Variants in KCTD5 observed in about 807,000 individuals in gnomAD.
KCTD5 encodes the protein BTB/POZ domain-containing protein KCTD5.
Under a neutral mutation model 27.9 loss-of-function variants are expected in KCTD5, and 12 were observed. That is an observed-to-expected ratio of 0.43 (90% CI 0.28 to 0.70). The LOEUF (loss-of-function observed/expected upper bound fraction) is 0.70. Ranked by LOEUF, KCTD5 falls within the 30% of genes least tolerant of loss-of-function variation. The probability of loss-of-function intolerance (pLI) is 0.19; values close to 1 mark genes in which losing one functional copy is unlikely to be tolerated. For synonymous variants in KCTD5, 147 were observed against 121.4 expected (o/e 1.21, Z -1.39); for missense variants, 226 against 274.8 (o/e 0.82, Z 1.26).
At chr16:2,692,217 C>T (rs1026050381) in intron 1 of KCTD5, among the ~76,000 whole-genome samples, 3 of 152,196 alleles carry the variant, frequency 2.0e-5, no homozygotes, top group Admixed American at 6.5e-5. Context: ...TTTAGGGTGT[C>T]GCTTTTCTGG....
Position 2,687,060 on chromosome 16 carries a change from C to G in KCTD5, c.252+4260C>G, listed in dbSNP as rs188689683. 3.0e-4 allele frequency among the ~76,000 whole-genome samples: 45 copies of G among 152,330 alleles called. No individual in the cohort carries two copies. The East Asian group carries it at 7.5e-3, about 25-fold the overall frequency. ...AGTCATCTTCTATTCTGGACCTCTG[C>G]GATGGTCCCTGCGGTGCTGGGGGCT... On this transcript the variant is annotated intron_variant, in intron 1 of 5. Coordinates refer to ENST00000301738, the MANE Select transcript of KCTD5 (RefSeq NM_018992.4).
Position 2,707,361 on chromosome 16 carries a change from AC to A in KCTD5, c.*35del, listed in dbSNP as rs2067641378. 2 of 1,609,580 alleles carry A rather than the reference AC, an allele frequency of 1.2e-6. No individual in the cohort carries two copies. The highest frequency in any genetic ancestry group is 8.5e-7 in the Non-Finnish European group (1 of 1,175,958). On this transcript the variant is annotated 3_prime_UTR_variant, in exon 6 of 6. Coordinates refer to ENST00000301738, the MANE Select transcript of KCTD5 (RefSeq NM_018992.4). ...GTATTGACAGCTGAAGAAATGATTTACGTTTTCCCGAGATGTAATGAACTGC... is the reference window on the plus strand; with the variant it reads ...GTATTGACAGCTGAAGAAATGATTTAGTTTTCCCGAGATGTAATGAACTGC...
At chr16:2,704,292 C>T (rs1679647549) in intron 5 of KCTD5, among the ~76,000 whole-genome samples, 1 of 152,224 alleles carries the variant, frequency 6.6e-6, no homozygotes, top group Non-Finnish European at 1.5e-5. Context: ...GATGGGGGCA[C>T]CCCTGGCTGG....
chr16:2,702,708 G>A (rs2067617885), intron 5 of KCTD5, among the ~76,000 whole-genome samples: 1 of 152,186 alleles, frequency 6.6e-6, no homozygotes, highest in African/African-American at 2.4e-5. Context: ...CCTGGAAGGG[G>A]CCCCAGGCCT....
intron 4 of KCTD5, 151 bp from the exon 5 acceptor site, chr16:2,702,202 C>G (rs1469095480): frequency 2.0e-6 from 2 of 991,428 alleles, no homozygotes; most frequent in Non-Finnish European, 1.5e-6. Context: ...TGCAGGTGTT[C>G]CGGGGATTTG....
At chr16:2,700,303 C>A (rs903689208) in intron 4 of KCTD5, among the ~76,000 whole-genome samples, 9 of 152,242 alleles carry the variant, frequency 5.9e-5, no homozygotes, top group African/African-American at 1.9e-4. Flanking sequence ...CATATGGAGG[C>A]CCTGACGCCT....
At chr16:2,706,226 C>T (rs1348926149) in intron 5 of KCTD5, among the ~76,000 whole-genome samples, 1 of 152,194 alleles carries the variant, frequency 6.6e-6, no homozygotes, top group Non-Finnish European at 1.5e-5. Flanking sequence ...GGCTGAGCAG[C>T]TCAGGGGACG....
chr16:2,691,794 G>A (rs1196807249), intron 1 of KCTD5, among the ~76,000 whole-genome samples: 1 of 152,188 alleles, frequency 6.6e-6, no homozygotes, highest in African/African-American at 2.4e-5. Context: ...AAGTCTTCCA[G>A]AGGCTGCTCC....
intron 1 of KCTD5, chr16:2,683,455 G>A (rs1419449238): frequency 1.3e-5 from 2 of 152,182 alleles, no homozygotes; most frequent in Non-Finnish European, 2.9e-5. Flanking sequence ...GGTCAGGTAA[G>A]GAATCTTTCA....
chr16:2,702,376 C>G lies in KCTD5; in HGVS notation c.573C>G (p.Tyr191Ter). 1 of 1,613,522 alleles carries G rather than the reference C, an allele frequency of 6.2e-7. No individual in the cohort carries two copies. The highest frequency in any genetic ancestry group is 8.5e-7 in the Non-Finnish European group (1 of 1,179,976). ...FEQLVSIGSS[Y>*]NYGNEDQAEF... ...AGTTGGTCAGCATCGGCTCCTCTTA[C>G]AACTATGGGAACGAAGACCAAGCCG... Residue 191 changes from tyrosine to a stop codon, truncating the protein, a stop_gained, in exon 5 of 6, where the codon TAC becomes TAG. Transcript: ENST00000301738. LOFTEE classifies it high-confidence loss of function.
intron 5 of KCTD5, among the ~76,000 whole-genome samples, chr16:2,703,372 C>T (rs577264880): frequency 3.3e-5 from 5 of 152,180 alleles, no homozygotes; most frequent in Admixed American, 6.5e-5. Flanking sequence ...GGTGGTGGGG[C>T]GGGCTCTGTG....
At chr16:2,687,656 G>A (rs1388195279) in intron 1 of KCTD5, among the ~76,000 whole-genome samples, 1 of 152,244 alleles carries the variant, frequency 6.6e-6, no homozygotes, top group Admixed American at 6.5e-5. Context: ...CCTGCTGCCT[G>A]GTCTCGCCCC....
intron 5 of KCTD5, among the ~76,000 whole-genome samples, chr16:2,703,050 C>G (rs1364497146): frequency 1.3e-5 from 2 of 152,320 alleles, no homozygotes; most frequent in East Asian, 3.9e-4. Context: ...CCTGGCAGCA[C>G]CGGCGCAGAC....
intron 1 of KCTD5, among the ~76,000 whole-genome samples, chr16:2,691,476 C>T (rs555298594): frequency 3.9e-5 from 6 of 152,318 alleles, no homozygotes; most frequent in South Asian, 2.1e-4. Flanking sequence ...TCTAGGGCCA[C>T]GCAGGGCTCT....
chr16:2,687,542 C>T (rs2067545157), intron 1 of KCTD5, among the ~76,000 whole-genome samples: 1 of 152,228 alleles, frequency 6.6e-6, no homozygotes, highest in Non-Finnish European at 1.5e-5. Context: ...TACAGGAATG[C>T]AGAGATGCCC....
chr16:2,686,831 A>T (rs2067541241), intron 1 of KCTD5, among the ~76,000 whole-genome samples: 1 of 151,156 alleles, frequency 6.6e-6, no homozygotes, highest in African/African-American at 2.4e-5. Context: ...TGTGGGCTAG[A>T]GTACCGTCTT....
chr16:2,693,829 T>TC (rs558776487), intron 1 of KCTD5, among the ~76,000 whole-genome samples: 139 of 150,838 alleles, frequency 9.2e-4, no homozygotes, highest in African/African-American at 3.3e-3. Flanking sequence ...CGAGCTGGTC[T>TC]CCCCCACCTT....
chr16:2,693,028 C>A (rs935018100), intron 1 of KCTD5, among the ~76,000 whole-genome samples: 6 of 152,240 alleles, frequency 3.9e-5, no homozygotes, highest in Non-Finnish European at 8.8e-5. Context: ...CAGCCCCAGG[C>A]AGCCCCACGC....
In KCTD5 at chr16:2,707,317, C is replaced by T; in HGVS notation, c.695C>T (p.Ser232Leu). 6.2e-7 allele frequency: 1 copy of T among 1,614,016 alleles called. No homozygotes were observed. The highest frequency in any genetic ancestry group is 2.2e-5 in the East Asian group (1 of 44,882). The change falls in exon 6 of 6, where the codon TCA (serine) becomes TTA (leucine). Residue 232 changes from serine (S) to leucine (L), a missense_variant. Transcript: ENST00000301738. ...EKAKILQERG[S>L]RM Reference sequence around the variant, plus strand: ...TTTCAGATTTTGCAAGAACGAGGCTCAAGGATGTGAGGGACACAGTATTGA... The same window carrying T: ...TTTCAGATTTTGCAAGAACGAGGCTTAAGGATGTGAGGGACACAGTATTGA...
Sources: gnomAD v4.1 joint callset for allele counts (sites outside exome capture counted in the v4.1 genomes callset) on GRCh38, gnomAD v4.1.1 for gene constraint, MANE v1.5 for transcripts, NCBI Gene and HGNC (gene_info 2026-07-23, HGNC 2026-07-21) for gene names.